Variants in PCDHA8 observed in about 807,000 individuals in gnomAD.
PCDHA8 encodes protocadherin alpha-8.
A neutral mutation model predicts 61.8 loss-of-function variants in PCDHA8; 53 were observed. The observed-to-expected ratio is 0.86, with a 90% CI of 0.69 to 1.08. The LOEUF (loss-of-function observed/expected upper bound fraction) is 1.08, where lower values mean the gene tolerates loss of function less well. PCDHA8 is among the 50% of genes least tolerant of loss of function. PCDHA8 has a pLI of 0.00. For missense variants in PCDHA8, 1,293 were observed against 1,245.0 expected (o/e 1.04, Z -0.58); for synonymous variants, 618 against 556.6 (o/e 1.11, Z -1.55).
intron 1 of PCDHA8, among the ~76,000 whole-genome samples, chr5:140,944,186 GTTT>G (rs2093621428): frequency 6.6e-6 from 1 of 151,986 alleles, no homozygotes. Flanking sequence ...TTGTTGGTTT[GTTT>G]TGTTTTGTTT....
In PCDHA8 at chr5:140,851,814, C is replaced by G. The variant is rs1363595383; in HGVS notation, c.2394+8099C>G. On this transcript the variant is annotated intron_variant, in intron 1 of 3. Coordinates refer to ENST00000531613, the MANE Select transcript of PCDHA8 (RefSeq NM_018911.3). The stretch of plus-strand genomic sequence containing the variant: ...CTTGTTCTGTCAGTAATCCATAAGA[C>G]AGAAATCTGTTTTTTTAAAAATATC... 6 of 954,454 alleles carry G rather than the reference C, an allele frequency of 6.3e-6. 1 individual carries two copies. In the African/African-American group the frequency reaches 1.1e-4, roughly 17 times the overall value. 59.1% of individuals were successfully genotyped at this position (954,454 alleles called of 1,614,324 possible). A position where few individuals can be genotyped will look rare whatever the true frequency, so the allele number is the denominator to read the frequency against.
rs561529051 is a variant in PCDHA8 at position 140,929,034 on chromosome 5, C to G, written c.2395-49915C>G. On this transcript the variant is annotated intron_variant, in intron 1 of 3. Transcript: ENST00000531613. ...AGTTGCACCAGAGCCCAGGCTGTTGCGCTCAGAGCTGCTGTCGCTCTACAG... is the reference window on the plus strand; with the variant it reads ...AGTTGCACCAGAGCCCAGGCTGTTGGGCTCAGAGCTGCTGTCGCTCTACAG... 2.8e-5 allele frequency: 46 copies of G among 1,614,040 alleles called. No homozygotes were observed. The South Asian group carries it at 4.8e-4, about 17-fold the overall frequency.
chr5:140,934,103 T>C (rs1400037088), intron 1 of PCDHA8, among the ~76,000 whole-genome samples: 1 of 152,148 alleles, frequency 6.6e-6, no homozygotes, highest in Non-Finnish European at 1.5e-5. Context: ...TGCTTTCTAT[T>C]TTATTAATTT....
At chr5:140,897,872 A>G (rs1327007992) in intron 1 of PCDHA8, among the ~76,000 whole-genome samples, 1 of 152,068 alleles carries the variant, frequency 6.6e-6, no homozygotes, top group Non-Finnish European at 1.5e-5. Context: ...CTTTTTAATG[A>G]TTGCCATTCT....
intron 1 of PCDHA8, chr5:140,927,386 C>T: frequency 6.2e-7 from 1 of 1,614,106 alleles, no homozygotes; most frequent in African/African-American, 1.3e-5. Flanking sequence ...AGCCTAAGCC[C>T]CAGTCAGCAC....
chr5:140,926,919 A>G, intron 1 of PCDHA8: 9 of 1,566,668 alleles, frequency 5.7e-6, no homozygotes, highest in Non-Finnish European at 7.8e-6. Flanking sequence ...TGGCAGTTTT[A>G]TGTTTGTGGG....
At chr5:140,849,515 T>A (rs1400528164) in intron 1 of PCDHA8, 1 of 1,596,878 alleles carries the variant, frequency 6.3e-7, no homozygotes, top group Non-Finnish European at 8.6e-7. Flanking sequence ...TTGTGGAAGT[T>A]GTGGATGTAA....
chr5:140,858,123 T>C, intron 1 of PCDHA8: 1 of 1,597,678 alleles, frequency 6.3e-7, no homozygotes, highest in East Asian at 2.2e-5. Flanking sequence ...GTGGCCCTGG[T>C]GGATGTCAAC....
At position 140,927,034 on chromosome 5, in the gene PCDHA8, G is replaced by A. The variant is rs782732545; in HGVS notation, c.2395-51915G>A. ...CTCCGCGGACTTGAGGCTGCCAGCG[G>A]CCGCTATGTCCTCGCGGAACTTTCG... On this transcript the variant is annotated intron_variant, in intron 1 of 3. Coordinates refer to ENST00000531613, the MANE Select transcript of PCDHA8 (RefSeq NM_018911.3). 6 of 1,612,400 alleles carry A rather than the reference G, an allele frequency of 3.7e-6. No individual in the cohort carries two copies. The East Asian group carries it at 8.9e-5, about 24-fold the overall frequency.
At position 140,843,668 on chromosome 5, in the gene PCDHA8, G is replaced by C; in HGVS notation, c.2347G>C (p.Val783Leu). ...SPCLPPDLGS[V>L]DVGEEQDLNV... ...CTGCCTTCCTCCTGATCTGGGATCA[G>C]TTGATGTAGGCGAAGAGCAAGATTT... The change falls in exon 1 of 4, where the codon GTT becomes CTT. Residue 783 changes from valine (V) to leucine (L), a missense_variant. Transcript: ENST00000531613. 6.3e-7 allele frequency: 1 copy of C among 1,593,338 alleles called. No individual in the cohort carries two copies. Among genetic ancestry groups the C allele is most frequent in the South Asian group, 1.1e-5 (1 of 90,448 alleles).
chr5:140,872,471 T>TA (rs1468696649), intron 1 of PCDHA8, among the ~76,000 whole-genome samples: 3 of 152,026 alleles, frequency 2.0e-5, no homozygotes, highest in Non-Finnish European at 4.4e-5. Context: ...TATAAAAAAT[T>TA]AAAAAATTAG....
intron 1 of PCDHA8, among the ~76,000 whole-genome samples, chr5:140,965,088 G>A (rs1390840466): frequency 4.6e-5 from 7 of 152,196 alleles, no homozygotes; most frequent in Non-Finnish European, 8.8e-5. Context: ...CTTTGTTCCA[G>A]TCCATAGCTA....
chr5:140,898,161 T>G (rs1208656854), intron 1 of PCDHA8, among the ~76,000 whole-genome samples: 1 of 152,216 alleles, frequency 6.6e-6, no homozygotes, highest in Non-Finnish European at 1.5e-5. Context: ...CTGATGGTGG[T>G]TTCTTTTGCT....
In PCDHA8 at chr5:140,841,333, C is replaced by G; in HGVS notation, c.12C>G (p.His4Gln). The G allele has an allele frequency of 1.9e-6, 3 of 1,605,502 alleles. 1 individual carries two copies. Among genetic ancestry groups the G allele is most frequent in the Non-Finnish European group, 2.6e-6 (3 of 1,175,392 alleles). ...AACGACTATTTAACATGGATTATCA[C>G]TGGCGAGGAGAGCTGGGATCCTGGC... is the stretch of plus-strand genomic sequence containing the variant. MDY[H>Q]WRGELGSWRL... Residue 4 changes from histidine to glutamine, a missense_variant, in exon 1 of 4, where the codon CAC (histidine) becomes CAG (glutamine). Transcript: ENST00000531613.
chr5:140,882,170 C>G, intron 1 of PCDHA8: 1 of 1,513,564 alleles, frequency 6.6e-7, no homozygotes, highest in Non-Finnish European at 8.8e-7. Flanking sequence ...CTTGCGAATC[C>G]TTCCGCACTA....
chr5:140,928,149 T>C, intron 1 of PCDHA8: 2 of 1,614,194 alleles, frequency 1.2e-6, no homozygotes, highest in Non-Finnish European at 8.5e-7. Flanking sequence ...CGGCCTCAGA[T>C]AGTGGCTCAC....
intron 3 of PCDHA8, among the ~76,000 whole-genome samples, chr5:140,991,200 A>C (rs2097437692): frequency 6.6e-6 from 1 of 152,234 alleles, no homozygotes; most frequent in Admixed American, 6.5e-5. Context: ...AATGATGCTC[A>C]ATAAATTTTG....
At chr5:140,942,541 G>T (rs1241528363) in intron 1 of PCDHA8, among the ~76,000 whole-genome samples, 1 of 152,056 alleles carries the variant, frequency 6.6e-6, no homozygotes, top group Non-Finnish European at 1.5e-5. Context: ...CAGTATGGTG[G>T]GGGGTAGGGG....
chr5:141,010,255 C>T lies in PCDHA8; in HGVS notation c.*318C>T. The T allele has an allele frequency of 6.4e-7, 1 of 1,551,816 alleles. No homozygotes were observed. Among genetic ancestry groups the T allele is most frequent in the Non-Finnish European group, 8.7e-7 (1 of 1,147,020 alleles). ...CCAGTGAGAGGTTGGACTCTCTGCC[C>T]TGTGCTCCGGGGATCCTGTCTTGAT... is the stretch of plus-strand genomic sequence containing the variant. On this transcript the variant is annotated 3_prime_UTR_variant, in exon 4 of 4. Coordinates refer to ENST00000531613, the MANE Select transcript of PCDHA8 (RefSeq NM_018911.3).
Sources: gnomAD v4.1 joint callset for allele counts (sites outside exome capture counted in the v4.1 genomes callset) on GRCh38, gnomAD v4.1.1 for gene constraint, MANE v1.5 for transcripts, NCBI Gene and HGNC (gene_info 2026-07-23, HGNC 2026-07-21) for gene names.